Variants in CC2D2A observed in about 807,000 individuals in gnomAD.
CC2D2A encodes coiled-coil and C2 domain-containing protein 2A.
A neutral mutation model predicts 212.9 loss-of-function variants in CC2D2A; 155 were observed. The observed-to-expected ratio is 0.73, with a 90% CI of 0.64 to 0.83. CC2D2A has a LOEUF of 0.83. Among genes scored for constraint, CC2D2A ranks in the 40% least tolerant of loss-of-function variants. The pLI is 0.00. For missense variants in CC2D2A, 1,856 were observed against 1,956.2 expected, an observed-to-expected ratio of 0.95 and a Z score of 0.97; for synonymous variants, 667 against 686.5, an observed-to-expected ratio of 0.97 and a Z score of 0.44.
At chr4:15,507,701 A>G (rs1038480462) in intron 6 of CC2D2A, among the ~76,000 whole-genome samples, 9 of 152,192 alleles carry the variant, frequency 5.9e-5, no homozygotes, top group Non-Finnish European at 1.2e-4. Context: ...AGAGATGGAG[A>G]AGTGTGGGTG....
chr4:15,486,920 G>A (rs1214602204), intron 4 of CC2D2A, among the ~76,000 whole-genome samples: 1 of 151,742 alleles, frequency 6.6e-6, no homozygotes, highest in African/African-American at 2.4e-5. Flanking sequence ...GTTCTGGAGT[G>A]TATTGTTTAA....
In CC2D2A at chr4:15,514,737, G is replaced by A. The variant is rs1716763338; in HGVS notation, c.748G>A (p.Ala250Thr). The change falls in exon 9 of 37, where the codon GCC (alanine) becomes ACC (threonine). Residue 250 changes from alanine (A) to threonine (T), a missense_variant. This residue lies in a region of CC2D2A where 1,512 missense variants were observed against 1,579.3 expected (regional missense o/e 0.96). Transcript: ENST00000424120. ...GGAAGAACTGCTTAATGGTGATGAT[G>A]CCGAGGACTTCCTATTGGGCTTAGA... ...DEEELLNGDD[A>T]EDFLLGLDHV... 3 of 1,603,222 alleles carry A rather than the reference G, an allele frequency of 1.9e-6. No individual in the cohort carries two copies. Among genetic ancestry groups the A allele is most frequent in the Non-Finnish European group, 2.6e-6 (3 of 1,172,054 alleles).
At chr4:15,573,766 G>A (rs936590660) in intron 28 of CC2D2A, among the ~76,000 whole-genome samples, 8 of 152,170 alleles carry the variant, frequency 5.3e-5, no homozygotes, top group Non-Finnish European at 1.2e-4. Flanking sequence ...ATTTTTCTTA[G>A]TGTTTTATAT....
Position 15,527,477 on chromosome 4 carries a change from G to A in CC2D2A, c.1180G>A (p.Val394Met). 1 of 1,613,600 alleles carries A rather than the reference G, an allele frequency of 6.2e-7. No homozygotes were observed. Among genetic ancestry groups the A allele is most frequent in the Non-Finnish European group, 8.5e-7 (1 of 1,179,732 alleles). The stretch of plus-strand genomic sequence containing the variant: ...AAAATACGTTCACAGTAGTCAGCAT[G>A]TGATCAGATCTGGAGACCCTCCTGG... ...AVKYVHSSQHVIRSGDPPGNF... is the reference protein window; with the variant it reads ...AVKYVHSSQHMIRSGDPPGNF... Residue 394 changes from valine to methionine, a missense_variant, in exon 12 of 37, where the codon GTG becomes ATG. Coordinates refer to ENST00000424120, the MANE Select transcript of CC2D2A (RefSeq NM_001378615.1).
Position 15,475,986 on chromosome 4 carries a change from T to G in CC2D2A, c.39+15T>G. On this transcript the variant is annotated intron_variant, in intron 2 of 36. Transcript: ENST00000424120. Reference sequence around the variant, plus strand: ...TAATTACAGAGGTAAGTGGCCACTTTGATGTCCTCTAGGGATGTGTTTGTG... The same window carrying G: ...TAATTACAGAGGTAAGTGGCCACTTGGATGTCCTCTAGGGATGTGTTTGTG... 1 of 1,585,018 alleles carries G rather than the reference T, an allele frequency of 6.3e-7. No homozygotes were observed. Among genetic ancestry groups the G allele is most frequent in the Non-Finnish European group, 8.6e-7 (1 of 1,164,548 alleles).
intron 4 of CC2D2A, chr4:15,481,530 A>C: frequency 5.2e-6 from 1 of 190,516 alleles, no homozygotes; most frequent in Non-Finnish European, 1.1e-5. Flanking sequence ...ACAAACAAAA[A>C]AGAGCCTGGA....
chr4:15,484,111 T>C (rs146899690), intron 4 of CC2D2A, among the ~76,000 whole-genome samples: 1,578 of 151,996 alleles, frequency 0.01, 120 homozygotes, highest in Admixed American at 0.096. Context: ...TAGATAAACA[T>C]AGAGTACAGC....
intron 13 of CC2D2A, among the ~76,000 whole-genome samples, chr4:15,530,192 A>G (rs377030635): frequency 6.6e-6 from 1 of 152,084 alleles, no homozygotes; most frequent in South Asian, 2.1e-4. Context: ...AAGATGGTCT[A>G]GATCTCCTGA....
intron 2 of CC2D2A, among the ~76,000 whole-genome samples, chr4:15,477,351 A>C (rs1714295079): frequency 6.6e-6 from 1 of 152,026 alleles, no homozygotes. Flanking sequence ...ACAAACCCAC[A>C]TAAATTTATA....
rs570574377 is a variant in CC2D2A at position 15,523,031 on chromosome 4, T to G, written c.1150-4416T>G. On this transcript the variant is annotated intron_variant, in intron 11 of 36. Transcript: ENST00000424120. The stretch of plus-strand genomic sequence containing the variant: ...TCAGGAGCCTGAGGCAGGAGATTGC[T>G]TGAACCTAGGAGGCGAAGGTTGCAG... Among the ~76,000 whole-genome samples the G allele has an allele frequency of 6.6e-5, 10 of 152,056 alleles. No individual in the cohort carries two copies. In the East Asian group the frequency reaches 1.9e-3, roughly 29 times the overall value.
intron 23 of CC2D2A, among the ~76,000 whole-genome samples, chr4:15,562,060 A>T (rs915979705): frequency 6.6e-6 from 1 of 152,232 alleles, no homozygotes; most frequent in African/African-American, 2.4e-5. Context: ...GTGCTTATAA[A>T]TGGTAGCTAT....
At chr4:15,479,063 T>C (rs754933522) in intron 3 of CC2D2A, among the ~76,000 whole-genome samples, 1 of 152,164 alleles carries the variant, frequency 6.6e-6, no homozygotes, top group Non-Finnish European at 1.5e-5. Flanking sequence ...TTTTCTCCCA[T>C]CTCCTGAGAG....
intron 12 of CC2D2A, among the ~76,000 whole-genome samples, chr4:15,528,380 G>T (rs572281998): frequency 1.3e-5 from 2 of 152,166 alleles, no homozygotes; most frequent in Non-Finnish European, 2.9e-5. Flanking sequence ...GATTTTCTGG[G>T]CCATGGAACA....
intron 21 of CC2D2A, 29 bp downstream of exon 21, chr4:15,557,536 A>C: frequency 6.7e-7 from 1 of 1,484,900 alleles, no homozygotes; most frequent in Non-Finnish European, 9.2e-7. Flanking sequence ...GGGGTTAATA[A>C]AATAATAAAG....
chr4:15,565,913 C>A (rs1173612111), intron 24 of CC2D2A, among the ~76,000 whole-genome samples: 1 of 152,110 alleles, frequency 6.6e-6, no homozygotes, highest in African/African-American at 2.4e-5. Context: ...CATCCAGCCA[C>A]AAGTGTTTGT....
intron 6 of CC2D2A, among the ~76,000 whole-genome samples, chr4:15,504,246 G>T (rs1716131132): frequency 6.6e-6 from 1 of 152,122 alleles, no homozygotes; most frequent in Non-Finnish European, 1.5e-5. Flanking sequence ...TCGTCAGTAG[G>T]AACACTAGTC....
chr4:15,486,282 C>A (rs534486176), intron 4 of CC2D2A, among the ~76,000 whole-genome samples: 3 of 152,136 alleles, frequency 2.0e-5, no homozygotes, highest in Admixed American at 2.0e-4. Flanking sequence ...GCCATCAGGT[C>A]CTGGGCTTTT....
intron 2 of CC2D2A, among the ~76,000 whole-genome samples, chr4:15,478,414 G>A (rs1160855350): frequency 6.6e-6 from 1 of 152,216 alleles, no homozygotes; most frequent in Admixed American, 6.5e-5. Context: ...TTTCAATTCT[G>A]TGTCCCAAGA....
chr4:15,485,568 C>A (rs918373106), intron 4 of CC2D2A, among the ~76,000 whole-genome samples: 3 of 152,140 alleles, frequency 2.0e-5, no homozygotes, highest in Non-Finnish European at 4.4e-5. Context: ...TTTTCCATAA[C>A]AGCTGTACAA....
Sources: allele counts gnomAD v4.1 joint callset (sites outside exome capture counted in the v4.1 genomes callset), GRCh38; gene constraint gnomAD v4.1.1; regional missense constraint gnomAD v4.1.1; transcripts MANE v1.5; gene names NCBI Gene and HGNC (gene_info 2026-07-23, HGNC 2026-07-21).